The following VWF variants were observed in gnomAD, a reference collection of about 807,000 sequenced individuals.
VWF encodes von Willebrand factor, also known as Factor VIII related antigen.
In VWF, 176 loss-of-function variants were observed where a neutral mutation model predicts 308.6. That is an observed-to-expected ratio of 0.57 (90% CI 0.50 to 0.65). VWF has a LOEUF of 0.65. Among genes scored for constraint, VWF ranks in the 30% least tolerant of loss-of-function variants. The pLI is 0.00. For missense variants in VWF, 3,146 were observed against 3,648.2 expected, an observed-to-expected ratio of 0.86 and a Z score of 3.55; for synonymous variants, 1,385 against 1,443.4, an observed-to-expected ratio of 0.96 and a Z score of 0.92.
intron 47 of VWF, among the ~76,000 whole-genome samples, chr12:5,964,769 A>G (rs1022329428): frequency 1.3e-5 from 2 of 152,200 alleles, no homozygotes; most frequent in African/African-American, 4.8e-5. Flanking sequence ...CAAAATCCCC[A>G]CAGCAGGAGG....
At chr12:6,005,005 T>C (rs1192484060) in intron 34 of VWF, among the ~76,000 whole-genome samples, 3 of 152,172 alleles carry the variant, frequency 2.0e-5, no homozygotes, top group African/African-American at 4.8e-5. Flanking sequence ...AGTTAATGTA[T>C]AAATTTAATG....
chr12:5,967,936 C>T (rs557091861), intron 46 of VWF, among the ~76,000 whole-genome samples, 191 bp downstream of exon 46: 47 of 152,272 alleles, frequency 3.1e-4, no homozygotes, highest in African/African-American at 1.0e-3. Context: ...GAGACAGGCC[C>T]GGAGAGTCAG....
intron 38 of VWF, among the ~76,000 whole-genome samples, chr12:5,990,884 A>G: frequency 1.1e-5 from 1 of 89,772 alleles, no homozygotes; most frequent in East Asian, 6.5e-4. Context: ...AAAAAAAAAA[A>G]AAAAAAAAAA....
rs1943529780 is a variant in VWF at position 5,976,091 on chromosome 12, C to T, written c.7437+20G>A. On this transcript the variant is annotated intron_variant, in intron 43 of 51. Coordinates refer to ENST00000261405, the MANE Select transcript of VWF (RefSeq NM_000552.5). ...CCCGCTCTGATAGCTGCAGGCATGCCCAGCCCCTGCCCCACTCACCGACCG... is the reference window on the plus strand; with the variant it reads ...CCCGCTCTGATAGCTGCAGGCATGCTCAGCCCCTGCCCCACTCACCGACCG... The T allele has an allele frequency of 6.2e-7, 1 of 1,613,250 alleles. No individual in the cohort carries two copies. Among genetic ancestry groups the T allele is most frequent in the Admixed American group, 1.7e-5 (1 of 60,000 alleles).
rs957856797 is a variant in VWF at position 6,060,450 on chromosome 12, C to T, written c.1534-2406G>A. On this transcript the variant is annotated intron_variant, in intron 13 of 51. Coordinates refer to ENST00000261405, the MANE Select transcript of VWF (RefSeq NM_000552.5). This position sits in a 1 kb window ranked among gnomAD's most constrained non-coding sequence, Gnocchi z 5.1. ...CTGGCCTCCCTCCAGCTCTCGCCTC[C>T]ACACTTCCATCCCCAAAAGCCCTGG... is the stretch of plus-strand genomic sequence containing the variant. Among the ~76,000 whole-genome samples the T allele has an allele frequency of 1.3e-5, 2 of 152,134 alleles. No individual in the cohort carries two copies. The highest frequency in any genetic ancestry group is 6.5e-5 in the Admixed American group (1 of 15,282).
chr12:5,974,465 AG>A (rs1943510907), intron 43 of VWF, among the ~76,000 whole-genome samples: 1 of 152,162 alleles, frequency 6.6e-6, no homozygotes, highest in Non-Finnish European at 1.5e-5. Flanking sequence ...CTACGCAGCC[AG>A]GATTATACCC....
intron 6 of VWF, among the ~76,000 whole-genome samples, chr12:6,086,008 A>T (rs1223461850): frequency 6.6e-6 from 1 of 152,168 alleles, no homozygotes; most frequent in African/African-American, 2.4e-5. Context: ...GGCCAAGGTC[A>T]CCACTGTTTC....
Position 6,057,021 on chromosome 12 carries a change from G to A in VWF, c.1781C>T (p.Ala594Val). The change falls in exon 15 of 52, where the codon GCC becomes GTC. Residue 594 changes from alanine to valine, a missense_variant. Ala to Val is a moderately conservative substitution (Grantham distance 64). Transcript: ENST00000261405. ...CAGCGGGCTGACGGCACGATGGCAGGCCTCGAATGTGGGGGACGTCAGGAC... is the reference window on the plus strand; with the variant it reads ...CAGCGGGCTGACGGCACGATGGCAGACCTCGAATGTGGGGGACGTCAGGAC... ...CAVLTSPTFE[A>V]CHRAVSPLPY... 6.5e-7 allele frequency: 1 copy of A among 1,550,380 alleles called. No individual in the cohort carries two copies. Among genetic ancestry groups the A allele is most frequent in the Non-Finnish European group, 8.7e-7 (1 of 1,153,360 alleles).
At chr12:5,961,882 A>G (rs558875714) in intron 47 of VWF, among the ~76,000 whole-genome samples, 1 of 152,072 alleles carries the variant, frequency 6.6e-6, no homozygotes, top group African/African-American at 2.4e-5. Context: ...TAAACTCCCA[A>G]CTGATGATAT....
rs761357380 is a variant in VWF, at chr12:6,075,304, C to T, written c.874+31G>A. ...CCCAGGACAGACCGTTCATCCCCGG[C>T]AGGGCAGGACGGGGCAGGGGGCCGA... is the stretch of plus-strand genomic sequence containing the variant. On this transcript the variant is annotated intron_variant, in intron 7 of 51. Transcript: ENST00000261405. The surrounding 1 kb of genome is among the most constrained non-coding windows in gnomAD (Gnocchi z 4.7). 3 of 1,613,282 alleles carry T rather than the reference C, an allele frequency of 1.9e-6. No individual in the cohort carries two copies. Among genetic ancestry groups the T allele is most frequent in the East Asian group, 2.2e-5 (1 of 44,866 alleles).
intron 49 of VWF, 101 bp downstream of exon 49, chr12:5,952,290 A>G: frequency 6.6e-7 from 1 of 1,518,854 alleles, no homozygotes; most frequent in Non-Finnish European, 9.1e-7. Context: ...GATGTGCCTC[A>G]GACACTGAGA....
chr12:5,952,665 C>A (rs1591828448), intron 48 of VWF, 146 bp from the exon 49 acceptor site: 2 of 1,152,664 alleles, frequency 1.7e-6, no homozygotes, highest in Non-Finnish European at 2.5e-6. Flanking sequence ...GCCCCCACAC[C>A]CAGAACACAG....
intron 47 of VWF, among the ~76,000 whole-genome samples, chr12:5,954,609 G>A (rs982801100): frequency 1.3e-5 from 2 of 152,170 alleles, no homozygotes; most frequent in Non-Finnish European, 1.5e-5. Flanking sequence ...AAACTAAAGG[G>A]AAAATGTCAG....
intron 34 of VWF, among the ~76,000 whole-genome samples, chr12:5,998,205 T>C (rs1019784360): frequency 6.6e-6 from 1 of 151,956 alleles, no homozygotes; most frequent in Non-Finnish European, 1.5e-5. Flanking sequence ...CAGCTATTAA[T>C]ATTGTCAAGT....
intron 41 of VWF, among the ~76,000 whole-genome samples, 190 bp downstream of exon 41, chr12:5,982,960 G>A (rs1216962187): frequency 6.6e-6 from 1 of 152,204 alleles, no homozygotes; most frequent in African/African-American, 2.4e-5. Context: ...TCCTTCAGCA[G>A]CGTGCAGCCG....
At chr12:5,987,705 C>G (rs1024099877) in intron 38 of VWF, among the ~76,000 whole-genome samples, 1 of 152,198 alleles carries the variant, frequency 6.6e-6, no homozygotes, top group African/African-American at 2.4e-5. Flanking sequence ...TGGATGAATC[C>G]CAAAAGCGTT....
At chr12:6,120,328 G>T (rs1181659433) in intron 3 of VWF, among the ~76,000 whole-genome samples, 2 of 145,644 alleles carry the variant, frequency 1.4e-5, no homozygotes, top group African/African-American at 2.5e-5. Context: ...TTTGTGGGTT[G>T]TTTTTTTTTT....
At chr12:6,003,989 G>C (rs1943901533) in intron 34 of VWF, among the ~76,000 whole-genome samples, 1 of 151,814 alleles carries the variant, frequency 6.6e-6, no homozygotes, top group African/African-American at 2.4e-5. Flanking sequence ...CTAATTTTTT[G>C]TATTTTTAGT....
Position 6,044,450 on chromosome 12 carries a change from G to A in VWF, c.2283C>T (p.Ser761=), listed in dbSNP as rs1425099797. The change falls in exon 18 of 52, where the codon AGC becomes AGT. Residue 761 remains serine, a splice_region_variant and synonymous_variant. Coordinates refer to ENST00000261405, the MANE Select transcript of VWF (RefSeq NM_000552.5). The stretch of plus-strand genomic sequence containing the variant: ...GGGGCCGACAGGATAGGCTCCTTTT[G>A]CCTCGAAGGTAGGAAAAGCAAAGAG... ...AVLSSPLSHR[S]KRSLSCRPPM... 6.2e-7 allele frequency: 1 copy of A among 1,614,062 alleles called. No homozygotes were observed.
Sources: allele counts gnomAD v4.1 joint callset (sites outside exome capture counted in the v4.1 genomes callset), GRCh38; gene constraint gnomAD v4.1.1; non-coding constraint Gnocchi (gnomAD v3.1); transcripts MANE v1.5; gene names NCBI Gene and HGNC (gene_info 2026-07-23, HGNC 2026-07-21).